EYS: variants seen among roughly 807,000 people sequenced by gnomAD.
EYS encodes protein eyes shut homolog.
Under a neutral mutation model 282.1 loss-of-function variants are expected in EYS, and 250 were observed. That is an observed-to-expected ratio of 0.89 (90% CI 0.80 to 0.98). The LOEUF is 0.98. Ranked by LOEUF, EYS falls within the 50% of genes least tolerant of loss-of-function variation. EYS has a pLI of 0.00. For synonymous variants in EYS, 1,355 were observed against 1,282.9 expected (o/e 1.06, Z -1.20); for missense variants, 4,016 against 3,709.0 (o/e 1.08, Z -2.15).
intron 2 of EYS, among the ~76,000 whole-genome samples, chr6:65,513,991 A>G (rs1767013686): frequency 6.6e-6 from 1 of 152,174 alleles, no homozygotes; most frequent in Non-Finnish European, 1.5e-5. Context: ...GGAAAAGAGG[A>G]AGTCAAATTG....
intron 26 of EYS, among the ~76,000 whole-genome samples, chr6:64,510,801 C>T (rs1016640015): frequency 9.2e-5 from 14 of 152,134 alleles, no homozygotes; most frequent in East Asian, 7.8e-4. Context: ...TATGTGTTAG[C>T]GGAAAGAAAC....
intron 2 of EYS, among the ~76,000 whole-genome samples, chr6:65,591,607 C>G (rs1238123604): frequency 6.6e-6 from 1 of 151,800 alleles, no homozygotes; most frequent in East Asian, 1.9e-4. Context: ...GCAAAAATTT[C>G]TTCTGAATTT....
chr6:64,636,089 C>T (rs1009180504), intron 22 of EYS, among the ~76,000 whole-genome samples: 1 of 152,138 alleles, frequency 6.6e-6, no homozygotes, highest in African/African-American at 2.4e-5. Flanking sequence ...GAAGAAATTA[C>T]TTTAAAGTTC....
chr6:64,164,434 G>A (rs1775203949), intron 31 of EYS, among the ~76,000 whole-genome samples: 1 of 152,074 alleles, frequency 6.6e-6, no homozygotes, highest in East Asian at 1.9e-4. Flanking sequence ...ACTTTATTGT[G>A]TAATTGAGGA....
rs74796124 is a variant in EYS, at chr6:65,191,972, G to T, written c.2023+103891C>A. On this transcript the variant is annotated intron_variant, in intron 12 of 42. Coordinates refer to ENST00000503581, the MANE Select transcript of EYS (RefSeq NM_001142800.2). The stretch of plus-strand genomic sequence containing the variant: ...ACTTTTTTTTTTTTCAAATTTTAAA[G>T]ACTTCCAAAATATCTATTGCTTTTG... Among the ~76,000 whole-genome samples, 755 of 150,150 alleles carry T rather than the reference G, an allele frequency of 5.0e-3. 26 individuals carry two copies. Among genetic ancestry groups the T allele is most frequent in the Admixed American group, 0.039 (590 of 14,984 alleles).
rs73765725 is a variant in EYS, at chr6:65,038,167, C to T, written c.2137+19447G>A. Among the ~76,000 whole-genome samples the T allele has an allele frequency of 6.4e-3, 965 of 151,550 alleles. 18 individuals are homozygous for T. Among genetic ancestry groups the T allele is most frequent in the African/African-American group, 0.021 (861 of 41,468 alleles). On this transcript the variant is annotated intron_variant, in intron 13 of 42. Transcript: ENST00000503581. The stretch of plus-strand genomic sequence containing the variant: ...GTACACATAAGTGCATAATCCTAAA[C>T]GTATGTAGATTAGATGGGTTTTAAA...
At chr6:64,379,568 G>A (rs1772677453) in intron 29 of EYS, 1 of 152,044 alleles carries the variant, frequency 6.6e-6, no homozygotes, top group African/African-American at 2.4e-5. Flanking sequence ...TGGTTTTGTT[G>A]ATTTGTTTTT....
chr6:63,919,312 CTTTTTTTTT>C (rs562177760), intron 35 of EYS, among the ~76,000 whole-genome samples: 75 of 49,388 alleles, frequency 1.5e-3, no homozygotes, highest in African/African-American at 6.4e-3. Flanking sequence ...AGGGAACAGA[CTTTTTTTTT>C]TTTTTTTTTT....
At chr6:64,393,576 C>G (rs904752664) in intron 28 of EYS, among the ~76,000 whole-genome samples, 5 of 152,036 alleles carry the variant, frequency 3.3e-5, no homozygotes, top group Non-Finnish European at 7.4e-5. Flanking sequence ...TGACAAAATT[C>G]AACAACCCTT....
chr6:65,190,522 G>C (rs956735407), intron 12 of EYS, among the ~76,000 whole-genome samples: 2 of 151,292 alleles, frequency 1.3e-5, no homozygotes, highest in Non-Finnish European at 3.0e-5. Flanking sequence ...GTTGTCTCTG[G>C]TCTTTATAAC....
intron 18 of EYS, among the ~76,000 whole-genome samples, chr6:64,896,204 G>C (rs1177811985): frequency 6.6e-6 from 1 of 152,170 alleles, no homozygotes; most frequent in Admixed American, 6.5e-5. Context: ...GCAGAAGGCA[G>C]GTGATTTCTG....
intron 12 of EYS, among the ~76,000 whole-genome samples, chr6:65,262,641 A>C (rs1319947126): frequency 6.6e-6 from 1 of 152,130 alleles, no homozygotes; most frequent in Non-Finnish European, 1.5e-5. Context: ...ATATATTATG[A>C]TATGATACAA....
At chr6:64,747,711 T>C (rs1285631698) in intron 22 of EYS, among the ~76,000 whole-genome samples, 1 of 152,170 alleles carries the variant, frequency 6.6e-6, no homozygotes, top group East Asian at 1.9e-4. Context: ...CATTTCTCTC[T>C]CTGATCTGTT....
At position 63,994,671 on chromosome 6, in the gene EYS, C is replaced by A. The variant is rs74398136; in HGVS notation, c.6834+4404G>T. Among the ~76,000 whole-genome samples, 1,085 of 151,974 alleles carry A rather than the reference C, an allele frequency of 7.1e-3. 8 individuals are homozygous for A. Among genetic ancestry groups the A allele is most frequent in the African/African-American group, 0.025 (1,035 of 41,516 alleles). On this transcript the variant is annotated intron_variant, in intron 34 of 42. Coordinates refer to ENST00000503581, the MANE Select transcript of EYS (RefSeq NM_001142800.2). ...TAGGAAACTATTTTCAAGAAGGTAA[C>A]CCCTACTCATCATCAAGAATCAATT...
intron 29 of EYS, among the ~76,000 whole-genome samples, chr6:64,322,715 G>C (rs1770262253): frequency 6.6e-6 from 1 of 152,050 alleles, no homozygotes; most frequent in African/African-American, 2.4e-5. Context: ...GACAACATTT[G>C]AAGCTATGTT....
At chr6:64,650,708 T>C (rs1562112635) in intron 22 of EYS, among the ~76,000 whole-genome samples, 2 of 152,076 alleles carry the variant, frequency 1.3e-5, no homozygotes, top group Admixed American at 6.5e-5. Flanking sequence ...ATGTGTACTA[T>C]AAAAATTTTA....
At chr6:64,858,706 A>C (rs1315203293) in intron 19 of EYS, among the ~76,000 whole-genome samples, 2 of 152,154 alleles carry the variant, frequency 1.3e-5, no homozygotes. Context: ...GCAGGATACC[A>C]ATTAAATAAA....
chr6:65,585,619 ATAT>A lies in EYS; in HGVS notation c.-333+54156_-333+54158del, dbSNP rs200445206. Among the ~76,000 whole-genome samples the A allele has an allele frequency of 1.9e-4, 29 of 152,094 alleles. No homozygotes were observed. The East Asian group carries it at 5.2e-3, about 27-fold the overall frequency. On this transcript the variant is annotated intron_variant, in intron 2 of 42. Transcript: ENST00000503581. ...TTTTAGTGTACTCTTTGAAGCAGAA[ATAT>A]TATAACATTCTTTGTCATAATGAGA...
chr6:65,393,099 A>G (rs1766116132), intron 7 of EYS, among the ~76,000 whole-genome samples: 1 of 151,158 alleles, frequency 6.6e-6, no homozygotes, highest in Non-Finnish European at 1.5e-5. Context: ...ACATGTTCTC[A>G]CTCATAGGTG....
Sources: gnomAD v4.1 joint callset for allele counts (sites outside exome capture counted in the v4.1 genomes callset) on GRCh38, gnomAD v4.1.1 for gene constraint, MANE v1.5 for transcripts, NCBI Gene and HGNC (gene_info 2026-07-23, HGNC 2026-07-21) for gene names.